LZTFL1: variants seen among roughly 807,000 people sequenced by gnomAD.
LZTFL1 encodes leucine zipper transcription factor-like protein 1.
In LZTFL1, 25 loss-of-function variants were observed where a neutral mutation model predicts 45.9. That is an observed-to-expected ratio of 0.54 (90% CI 0.40 to 0.76). The LOEUF (loss-of-function observed/expected upper bound fraction) is 0.76, where lower values mean the gene tolerates loss of function less well. Among genes scored for constraint, LZTFL1 ranks in the 30% least tolerant of loss-of-function variants. LZTFL1 has a pLI of 0.00. For missense variants in LZTFL1, 277 were observed against 331.1 expected (o/e 0.84, Z 1.27); for synonymous variants, 93 against 117.4 (o/e 0.79, Z 1.35).
chr3:45,860,002 A>G (rs2125708359), intron 2 of LZTFL1, among the ~76,000 whole-genome samples: 1 of 152,336 alleles, frequency 6.6e-6, no homozygotes, highest in Admixed American at 6.5e-5. Flanking sequence ...CATAGAATGC[A>G]ACTCTAATAG....
intron 2 of LZTFL1, among the ~76,000 whole-genome samples, chr3:45,890,348 A>T (rs375090255): frequency 0.034 from 175 of 5,142 alleles, no homozygotes; most frequent in African/African-American, 0.094. Context: ...ATATATATAT[A>T]ACATATATAT....
intron 2 of LZTFL1, among the ~76,000 whole-genome samples, chr3:45,891,692 AT>A (rs1054339466): frequency 6.6e-6 from 1 of 151,696 alleles, no homozygotes; most frequent in Non-Finnish European, 1.5e-5. Flanking sequence ...CTTCACAATT[AT>A]TTTTTTTCCC....
chr3:45,881,197 C>T (rs1043090038), intron 2 of LZTFL1, among the ~76,000 whole-genome samples: 2 of 152,250 alleles, frequency 1.3e-5, no homozygotes, highest in Non-Finnish European at 2.9e-5. Flanking sequence ...AGCCACACCA[C>T]TGAACTCTTG....
chr3:45,904,378 G>A (rs1559429070), intron 2 of LZTFL1, among the ~76,000 whole-genome samples: 1 of 152,166 alleles, frequency 6.6e-6, no homozygotes. Flanking sequence ...CTGGGGGACT[G>A]GTGGTCAAGG....
At position 45,901,764 on chromosome 3, in the gene LZTFL1, C is replaced by T. The variant is rs751139030; in HGVS notation, c.-215+11356G>A. On this transcript the variant is annotated intron_variant, in intron 2 of 4. Coordinates refer to the LZTFL1 transcript ENST00000472635. This position sits in a 1 kb window ranked among gnomAD's most constrained non-coding sequence, Gnocchi z 4.3. Reference sequence around the variant, plus strand: ...TGTTTTTGTGGGTGAGAGATTCCGCCGGGATCTCGTGAAAACCCTGAAGAA... The same window carrying T: ...TGTTTTTGTGGGTGAGAGATTCCGCTGGGATCTCGTGAAAACCCTGAAGAA... 3.1e-6 allele frequency: 5 copies of T among 1,614,110 alleles called. No individual in the cohort carries two copies. The highest frequency in any genetic ancestry group is 3.3e-5 in the Admixed American group (2 of 60,018).
intron 2 of LZTFL1, among the ~76,000 whole-genome samples, chr3:45,867,000 T>C (rs1276758298): frequency 6.6e-6 from 1 of 151,844 alleles, no homozygotes; most frequent in African/African-American, 2.4e-5. Flanking sequence ...ATACAAAAAT[T>C]AGCTGGGCAT....
rs1469097134 is a variant in LZTFL1, at chr3:45,824,750, G to A, written c.*1564C>T. ...CTTCTGAATTACATAGAACATCTTGGTCCACAGACAATGGAATGGATTTTT... is the reference window on the plus strand; with the variant it reads ...CTTCTGAATTACATAGAACATCTTGATCCACAGACAATGGAATGGATTTTT... On this transcript the variant is annotated 3_prime_UTR_variant, in exon 10 of 10. Coordinates refer to ENST00000296135, the MANE Select transcript of LZTFL1 (RefSeq NM_020347.4). 3 of 397,880 alleles carry A rather than the reference G, an allele frequency of 7.5e-6. No individual in the cohort carries two copies. The highest frequency in any genetic ancestry group is 1.3e-5 in the Non-Finnish European group (3 of 225,678). 24.6% of individuals were successfully genotyped at this position (397,880 alleles called of 1,614,324 possible).
rs987954080 is a variant in LZTFL1 at position 45,834,269 on chromosome 3, T to C, written c.353A>G (p.Glu118Gly). 6.3e-7 allele frequency: 1 copy of C among 1,597,218 alleles called. No homozygotes were observed. Among genetic ancestry groups the C allele is most frequent in the Non-Finnish European group, 8.6e-7 (1 of 1,166,484 alleles). ...GTTTGAAGATGTAATCTCTGCTTTTTCAAATTCTGCAACTTGTTCTAATAA... is the reference window on the plus strand; with the variant it reads ...GTTTGAAGATGTAATCTCTGCTTTTCCAAATTCTGCAACTTGTTCTAATAA... ...RELLEQVAEF[E>G]KAEITSSNKK... is the part of the protein sequence containing the mutation. Residue 118 changes from glutamate (E) to glycine (G), a missense_variant, in exon 4 of 10, where the codon GAA becomes GGA. Physicochemically the swap from Glu to Gly is moderately conservative, Grantham distance 98. Transcript: ENST00000296135.
chr3:45,865,677 G>T lies in LZTFL1; in HGVS notation c.-214-6661C>A, dbSNP rs191750310. 3.3e-4 allele frequency among the ~76,000 whole-genome samples: 50 copies of T among 152,344 alleles called. 1 individual carries two copies. Among genetic ancestry groups the T allele is most frequent in the Middle Eastern group, 6.8e-3 (2 of 294 alleles). On this transcript the variant is annotated intron_variant, in intron 2 of 4. Transcript: ENST00000472635. Reference sequence around the variant, plus strand: ...ATGTAATTTTAAGAGAGGGAACGATGAATTCATACACTTCTGGTAGAAATG... The same window carrying T: ...ATGTAATTTTAAGAGAGGGAACGATTAATTCATACACTTCTGGTAGAAATG...
intron 2 of LZTFL1, among the ~76,000 whole-genome samples, chr3:45,889,695 T>G (rs1280913506): frequency 6.6e-6 from 1 of 152,054 alleles, no homozygotes; most frequent in Non-Finnish European, 1.5e-5. Flanking sequence ...TATTTTTTTT[T>G]TTTTAAAGAT....
chr3:45,904,867 A>G (rs768910704), intron 2 of LZTFL1, among the ~76,000 whole-genome samples: 3 of 152,066 alleles, frequency 2.0e-5, no homozygotes, highest in Non-Finnish European at 4.4e-5. Context: ...CAAGAACTGG[A>G]GCTTCTTGTG....
At chr3:45,890,337 C>CATATATATATATTTATATAA (rs1237727908) in intron 2 of LZTFL1, among the ~76,000 whole-genome samples, 16 of 63,130 alleles carry the variant, frequency 2.5e-4, no homozygotes, top group East Asian at 3.5e-4. Context: ...ATATATATAA[C>CATATATATATATTTATATAA]ATATATATAT....
At chr3:45,898,302 C>T (rs567924539) in intron 2 of LZTFL1, among the ~76,000 whole-genome samples, 15 of 152,248 alleles carry the variant, frequency 9.9e-5, no homozygotes, top group African/African-American at 3.1e-4. Context: ...CCGTGTCCAG[C>T]GTTGGGAGGA....
At chr3:45,830,819 T>C in intron 7 of LZTFL1, 94 bp downstream of exon 7, 3 of 1,005,668 alleles carry the variant, frequency 3.0e-6, no homozygotes, top group Non-Finnish European at 3.0e-6. Context: ...GTAGCAGGGG[T>C]GGGGTACAGT....
chr3:45,864,561 C>G (rs377471079), intron 2 of LZTFL1, among the ~76,000 whole-genome samples: 7 of 152,124 alleles, frequency 4.6e-5, no homozygotes, highest in Admixed American at 1.3e-4. Context: ...TGCCAATGTT[C>G]AGTGCAGAAT....
chr3:45,871,170 G>A (rs922387368), intron 2 of LZTFL1, among the ~76,000 whole-genome samples: 2 of 152,212 alleles, frequency 1.3e-5, no homozygotes, highest in African/African-American at 2.4e-5. Context: ...CATGATCTTT[G>A]TTACAATGCC....
At position 45,838,056 on chromosome 3, in the gene LZTFL1, AAAAG is replaced by A. The variant is rs1389956532; in HGVS notation, c.4-9_4-6del. 1 of 1,586,586 alleles carries A rather than the reference AAAAG, an allele frequency of 6.3e-7. No individual in the cohort carries two copies. Among genetic ancestry groups the A allele is most frequent in the African/African-American group, 1.4e-5 (1 of 73,104 alleles). The stretch of plus-strand genomic sequence containing the variant: ...CTCATTTAGGCCCAACTCTGCCTGA[AAAAG>A]AAAGAGGTAATTTAATTGTTAGTTT... On this transcript the variant is annotated splice_polypyrimidine_tract_variant and splice_region_variant and intron_variant, in intron 1 of 9. Coordinates refer to ENST00000296135, the MANE Select transcript of LZTFL1 (RefSeq NM_020347.4).
rs534062720 is a variant in LZTFL1, at chr3:45,863,281, G to T, written c.-214-4265C>A. 4.6e-5 allele frequency among the ~76,000 whole-genome samples: 7 copies of T among 152,338 alleles called. 1 individual carries two copies. In the East Asian group the frequency reaches 1.4e-3, roughly 29 times the overall value. Reference sequence around the variant, plus strand: ...GAATGCCAGCTAAATGTAGAGGGATGAAAGTCATAATCTTGCAATTCCTAA... The same window carrying T: ...GAATGCCAGCTAAATGTAGAGGGATTAAAGTCATAATCTTGCAATTCCTAA... On this transcript the variant is annotated intron_variant, in intron 2 of 4. Transcript: ENST00000472635.
intron 9 of LZTFL1, 121 bp from the exon 10 acceptor site, chr3:45,826,453 TG>T: frequency 1.2e-6 from 1 of 819,520 alleles, no homozygotes; most frequent in Non-Finnish European, 2.1e-6. Context: ...CGGTAGAAGT[TG>T]GACACATTCA....
Sources: gnomAD v4.1 joint callset for allele counts (sites outside exome capture counted in the v4.1 genomes callset) on GRCh38, gnomAD v4.1.1 for gene constraint, Gnocchi (gnomAD v3.1) non-coding constraint, MANE v1.5 for transcripts, NCBI Gene and HGNC (gene_info 2026-07-23, HGNC 2026-07-21) for gene names.